Variants in PDE1C observed in about 807,000 individuals in gnomAD.
The protein encoded by PDE1C is dual specificity calcium/calmodulin-dependent 3',5'-cyclic nucleotide phosphodiesterase 1C.
PDE1C carries 62 observed loss-of-function variants against 93.1 expected under a neutral mutation model. The ratio of observed to expected loss-of-function variants is 0.67; its 90% CI spans 0.54 to 0.82. The LOEUF is 0.82. PDE1C is among the 40% of genes least tolerant of loss of function. PDE1C has a pLI of 0.00. For synonymous variants in PDE1C, 325 were observed against 310.1 expected (o/e 1.05, Z -0.50); for missense variants, 742 against 884.6 (o/e 0.84, Z 2.04).
chr7:32,237,669 A>T (rs12538506), intron 1 of PDE1C, among the ~76,000 whole-genome samples: 15,833 of 150,002 alleles, frequency 0.11, 900 homozygotes, highest in East Asian at 0.13. Flanking sequence ...CATTCTTCTA[A>T]GAGGTGAACA....
intron 2 of PDE1C, among the ~76,000 whole-genome samples, chr7:32,170,482 G>A (rs949597304): frequency 2.0e-5 from 3 of 152,088 alleles, no homozygotes; most frequent in Non-Finnish European, 4.4e-5. Flanking sequence ...AATATTAAAG[G>A]TGGGCATCAA....
At chr7:31,997,901 A>C (rs1466219410) in intron 2 of PDE1C, among the ~76,000 whole-genome samples, 1 of 152,232 alleles carries the variant, frequency 6.6e-6, no homozygotes, top group Non-Finnish European at 1.5e-5. Flanking sequence ...GCATAATTTG[A>C]ACTTGGAATA....
At chr7:32,160,626 G>A (rs1801856595) in intron 3 of PDE1C, among the ~76,000 whole-genome samples, 1 of 152,156 alleles carries the variant, frequency 6.6e-6, no homozygotes, top group Non-Finnish European at 1.5e-5. Context: ...TGGATCACTT[G>A]AGGCCAGAAG....
rs12672123 is a variant in PDE1C at position 32,048,752 on chromosome 7, C to T, written c.128+2802G>A. Among the ~76,000 whole-genome samples the T allele has an allele frequency of 0.01, 1,586 of 152,230 alleles. 75 individuals carry two copies. In the East Asian group the frequency reaches 0.11, roughly 10 times the overall value. ...GATGGCTTGTAATTCAATGATGGAT[C>T]AGAAGCACATGGATCTACTTCATAT... On this transcript the variant is annotated intron_variant, in intron 2 of 17. Coordinates refer to ENST00000396191, the MANE Select transcript of PDE1C (RefSeq NM_001191057.4).
At chr7:32,334,886 T>C (rs1166160457) in intron 1 of PDE1C, among the ~76,000 whole-genome samples, 1 of 152,138 alleles carries the variant, frequency 6.6e-6, no homozygotes, top group East Asian at 1.9e-4. Context: ...CTTTAAATGT[T>C]TTGTCTTTCA....
chr7:32,114,393 T>C (rs940901971), intron 3 of PDE1C, among the ~76,000 whole-genome samples: 5 of 152,080 alleles, frequency 3.3e-5, no homozygotes, highest in African/African-American at 1.2e-4. Context: ...ATCCAATAAG[T>C]GGTGCTAGGA....
chr7:31,707,882 T>A, the PDE1C span: 1 of 152,282 alleles, frequency 6.6e-6, no homozygotes, highest in African/African-American at 2.4e-5. Context: ...CAGCCCACCA[T>A]GCCTTGGCTG....
At chr7:32,015,131 C>T (rs1299383538) in intron 2 of PDE1C, among the ~76,000 whole-genome samples, 1 of 152,120 alleles carries the variant, frequency 6.6e-6, no homozygotes. Context: ...TGTCACCTTC[C>T]ACCATGATTG....
intron 2 of PDE1C, among the ~76,000 whole-genome samples, chr7:31,963,020 C>G (rs1809259545): frequency 6.6e-6 from 1 of 152,138 alleles, no homozygotes; most frequent in African/African-American, 2.4e-5. Context: ...TGGTTTCTCC[C>G]TTTTCCTTCT....
chr7:32,227,584 C>T (rs1807387495), intron 1 of PDE1C, among the ~76,000 whole-genome samples: 1 of 152,176 alleles, frequency 6.6e-6, no homozygotes, highest in Non-Finnish European at 1.5e-5. Flanking sequence ...AACAACACAG[C>T]ACTTCATTCT....
At position 31,965,048 on chromosome 7, in the gene PDE1C, T is replaced by G. The variant is rs182813190; in HGVS notation, c.129-84188A>C. Among the ~76,000 whole-genome samples, 897 of 152,206 alleles carry G rather than the reference T, an allele frequency of 5.9e-3. 5 individuals carry two copies. The highest frequency in any genetic ancestry group is 0.021 in the African/African-American group (873 of 41,542). ...AAACTGGAAACTCTAAAAATCAGAG[T>G]GCCTCTCCTCCTCCAAAGGAACGCA... On this transcript the variant is annotated intron_variant, in intron 2 of 17. Coordinates refer to ENST00000396191, the MANE Select transcript of PDE1C (RefSeq NM_001191057.4).
chr7:31,689,717 C>T, the PDE1C span, among the ~76,000 whole-genome samples: 1 of 152,144 alleles, frequency 6.6e-6, no homozygotes, highest in Non-Finnish European at 1.5e-5. Context: ...CTCCAAATGT[C>T]TTTCCCCTCC....
At chr7:31,667,201 T>A in the PDE1C span, among the ~76,000 whole-genome samples, 1 of 152,192 alleles carries the variant, frequency 6.6e-6, no homozygotes, top group South Asian at 2.1e-4. Context: ...GCCTATAGCT[T>A]TTGGAATACC....
chr7:32,036,575 G>A (rs1791121668), intron 2 of PDE1C, among the ~76,000 whole-genome samples: 1 of 152,140 alleles, frequency 6.6e-6, no homozygotes, highest in African/African-American at 2.4e-5. Context: ...CAAGTAGCAA[G>A]CTTGATCAAG....
chr7:31,753,857 T>C (rs1289604656), intron 17 of PDE1C, among the ~76,000 whole-genome samples: 3 of 152,220 alleles, frequency 2.0e-5, no homozygotes, highest in Non-Finnish European at 4.4e-5. Flanking sequence ...ATTGGGGTCA[T>C]TTCTGGGAAC....
At chr7:32,126,925 AT>A (rs137924014) in intron 3 of PDE1C, among the ~76,000 whole-genome samples, 17,058 of 152,196 alleles carry the variant, frequency 0.11, 1,113 homozygotes, top group Middle Eastern at 0.17. Context: ...ATGCCCAAAC[AT>A]TTGGCCAAGC....
At chr7:31,678,441 G>A in the PDE1C span, among the ~76,000 whole-genome samples, 4 of 152,110 alleles carry the variant, frequency 2.6e-5, no homozygotes, top group East Asian at 7.7e-4. Flanking sequence ...TAGAAATTTA[G>A]TATACTATAA....
At chr7:31,956,163 G>A (rs1038256146) in intron 2 of PDE1C, among the ~76,000 whole-genome samples, 1 of 151,952 alleles carries the variant, frequency 6.6e-6, no homozygotes, top group East Asian at 1.9e-4. Context: ...GTGCGATCTC[G>A]GCTCACTGCA....
chr7:31,922,250 AGGAAATACTTT>A (rs1241217998), intron 2 of PDE1C, among the ~76,000 whole-genome samples: 1 of 152,168 alleles, frequency 6.6e-6, no homozygotes, highest in Non-Finnish European at 1.5e-5. Flanking sequence ...AACAATCTTC[AGGAAATACTTT>A]GGAAACACTA....
Sources: allele counts gnomAD v4.1 joint callset (sites outside exome capture counted in the v4.1 genomes callset), GRCh38; gene constraint gnomAD v4.1.1; transcripts MANE v1.5; gene names NCBI Gene and HGNC (gene_info 2026-07-23, HGNC 2026-07-21).